Variants in HNRNPA1 observed in about 807,000 individuals in gnomAD.
The protein encoded by HNRNPA1 is epididymis secretory sperm binding protein.
Under a neutral mutation model 44.4 loss-of-function variants are expected in HNRNPA1, and 7 were observed. The observed-to-expected ratio is 0.16, with a 90% CI of 0.09 to 0.30. The LOEUF is 0.30. HNRNPA1 is among the 10% of genes least tolerant of loss of function. HNRNPA1 has a pLI of 1.00. For synonymous variants in HNRNPA1, 169 were observed against 160.6 expected (o/e 1.05, Z -0.40); for missense variants, 193 against 465.8 (o/e 0.41, Z 5.39).
Position 54,281,292 on chromosome 12 carries a change from C to T in HNRNPA1, c.16-94C>T, listed in dbSNP as rs74638402. 2.7e-3 allele frequency: 2,055 copies of T among 757,304 alleles called. 29 individuals are homozygous for T. The East Asian group carries it at 0.033, about 12-fold the overall frequency. The allele number at this position is 757,304 out of a possible 1,614,324, so 46.9% of individuals were successfully genotyped here. The stretch of plus-strand genomic sequence containing the variant: ...TTGCGACCTGAACGAACAATAAGTG[C>T]TAGGTACACAGTTGGTGTCTAGTTT... On this transcript the variant is annotated intron_variant, in intron 1 of 10. Coordinates refer to ENST00000340913, the MANE Select transcript of HNRNPA1 (RefSeq NM_031157.4).
intron 3 of HNRNPA1, 59 bp from the exon 4 acceptor site, chr12:54,282,031 A>G: frequency 3.1e-6 from 5 of 1,599,264 alleles, no homozygotes; most frequent in Non-Finnish European, 4.3e-6. Flanking sequence ...AAACTTACCA[A>G]AATTTTTTAT....
chr12:54,283,917 C>G lies in HNRNPA1; in HGVS notation c.1013C>G (p.Ser338Cys). The change falls in exon 9 of 11, where the codon TCT becomes TGT. Residue 338 changes from serine (S) to cysteine (C), a missense_variant. Ser to Cys is a moderately radical substitution (Grantham distance 112). This residue lies in a region of HNRNPA1 where 136 missense variants were observed against 234.4 expected (regional missense o/e 0.58). Coordinates refer to ENST00000340913, the MANE Select transcript of HNRNPA1 (RefSeq NM_031157.4). ...MKGGNFGGRSSGPYGGGGQYF... is the reference protein window; with the variant it reads ...MKGGNFGGRSCGPYGGGGQYF... ...GGAGGAAATTTTGGAGGCAGAAGCT[C>G]TGGCCCCTATGGCGGTGGAGGCCAA... 1.2e-6 allele frequency: 2 copies of G among 1,610,564 alleles called. No homozygotes were observed. Among genetic ancestry groups the G allele is most frequent in the Non-Finnish European group, 1.7e-6 (2 of 1,180,012 alleles).
chr12:54,280,912 C>T, intron 1 of HNRNPA1, 90 bp downstream of exon 1: 3 of 1,411,396 alleles, frequency 2.1e-6, no homozygotes, highest in South Asian at 2.3e-5. Flanking sequence ...TTGCACCAGC[C>T]CATTCTACAG....
chr12:54,280,740 G>C lies in HNRNPA1; in HGVS notation c.-68G>C, dbSNP rs756560142. On this transcript the variant is annotated 5_prime_UTR_variant, in exon 1 of 11. Coordinates refer to ENST00000340913, the MANE Select transcript of HNRNPA1 (RefSeq NM_031157.4). ...GGTAGGCTGGCAGATACGTTCGTCA[G>C]CTTGCTCCTTTCTGCCCGTGGACGC... is the stretch of plus-strand genomic sequence containing the variant. The C allele has an allele frequency of 6.9e-6, 11 of 1,592,570 alleles. No individual in the cohort carries two copies. The highest frequency in any genetic ancestry group is 3.3e-5 in the Admixed American group (2 of 59,982).
rs937160313 is a variant in HNRNPA1, at chr12:54,285,467, C to T, written c.*923C>T. The T allele has an allele frequency of 2.0e-5, 3 of 152,064 alleles. No individual in the cohort carries two copies. Among genetic ancestry groups the T allele is most frequent in the Non-Finnish European group, 4.4e-5 (3 of 68,022 alleles). 9.4% of individuals were successfully genotyped at this position (152,064 alleles called of 1,614,324 possible). On this transcript the variant is annotated 3_prime_UTR_variant, in exon 11 of 11. Coordinates refer to ENST00000340913, the MANE Select transcript of HNRNPA1 (RefSeq NM_031157.4). ...TAATATCAGAAAGCATTTTAATGAA[C>T]GTAAAGATAGGCTTACATTAAAGGA...
intron 2 of HNRNPA1, 87 bp from the exon 3 acceptor site, chr12:54,281,708 A>G (rs754328385): frequency 8.6e-5 from 119 of 1,379,660 alleles, no homozygotes; most frequent in Non-Finnish European, 1.1e-4. Context: ...AGGCTGGTGT[A>G]AAGTTTCCTA....
chr12:54,280,953 C>T (rs1944149362), intron 1 of HNRNPA1, 131 bp downstream of exon 1: 3 of 1,001,374 alleles, frequency 3.0e-6, no homozygotes, highest in Non-Finnish European at 3.2e-6. Flanking sequence ...GCCTACCCCT[C>T]CCAAAGTTCA....
chr12:54,280,846 T>G (rs756540488), intron 1 of HNRNPA1, 24 bp downstream of exon 1: 7 of 1,613,680 alleles, frequency 4.3e-6, no homozygotes, highest in African/African-American at 4.0e-5. Flanking sequence ...GCTTTCCCAC[T>G]TGAATTTTTT....
At position 54,283,069 on chromosome 12, in the gene HNRNPA1, ATTC is replaced by A. The variant is rs1293772383; in HGVS notation, c.752-7_752-5del. On this transcript the variant is annotated splice_region_variant and splice_polypyrimidine_tract_variant and intron_variant, in intron 7 of 10. Coordinates refer to ENST00000340913, the MANE Select transcript of HNRNPA1 (RefSeq NM_031157.4). The stretch of plus-strand genomic sequence containing the variant: ...CTTTTGTCTTATTGAGAAGAATTGT[ATTC>A]TTGTAGGTGGTTATGGAGGAGGCGG... The A allele has an allele frequency of 5.0e-6, 8 of 1,611,918 alleles. No individual in the cohort carries two copies. The highest frequency in any genetic ancestry group is 2.2e-5 in the South Asian group (2 of 90,922).
chr12:54,284,578 A>G lies in HNRNPA1; in HGVS notation c.*34A>G. On this transcript the variant is annotated 3_prime_UTR_variant, in exon 11 of 11. Coordinates refer to ENST00000340913, the MANE Select transcript of HNRNPA1 (RefSeq NM_031157.4). ...CAAAGCTTAGCAGGAGAGGAGAGCC[A>G]GAGAAGTGACAGGGAAGCTACAGGT... 1.4e-6 allele frequency: 1 copy of G among 698,986 alleles called. No individual in the cohort carries two copies. Among genetic ancestry groups the G allele is most frequent in the Non-Finnish European group, 2.5e-6 (1 of 398,196 alleles). The allele number at this position is 698,986 out of a possible 1,614,324, so 43.3% of individuals were successfully genotyped here.
At chr12:54,284,020 G>T in intron 9 of HNRNPA1, 53 bp downstream of exon 9, 3 of 1,587,430 alleles carry the variant, frequency 1.9e-6, no homozygotes, top group Non-Finnish European at 2.6e-6. Flanking sequence ...TGTAGCTACT[G>T]CTGGGAAGAA....
chr12:54,283,018 C>T, intron 7 of HNRNPA1, 61 bp from the exon 8 acceptor site: 3 of 1,580,976 alleles, frequency 1.9e-6, no homozygotes, highest in Non-Finnish European at 1.7e-6. Flanking sequence ...AGCCGTTACA[C>T]TTGCACAAGT....
At position 54,285,246 on chromosome 12, in the gene HNRNPA1, A is replaced by G. The variant is rs546193833; in HGVS notation, c.*702A>G. ...TCAATAAACGATTTAATTCTCTTGA[A>G]TGAAATGACAACTGTATGGATTTGG... On this transcript the variant is annotated 3_prime_UTR_variant, in exon 11 of 11. Coordinates refer to ENST00000340913, the MANE Select transcript of HNRNPA1 (RefSeq NM_031157.4). 1 of 152,798 alleles carries G rather than the reference A, an allele frequency of 6.5e-6. No individual in the cohort carries two copies. Among genetic ancestry groups the G allele is most frequent in the South Asian group, 2.1e-4 (1 of 4,844 alleles). 9.5% of individuals were successfully genotyped at this position (152,798 alleles called of 1,614,324 possible).
At chr12:54,282,750 T>C in intron 6 of HNRNPA1, 50 bp from the exon 7 acceptor site, 1 of 1,585,482 alleles carries the variant, frequency 6.3e-7, no homozygotes, top group East Asian at 2.3e-5. Flanking sequence ...GCATTCAGAA[T>C]GTCACTTTAA....
In HNRNPA1 at chr12:54,281,683, A is replaced by G. The variant is rs1053307660; in HGVS notation, c.133-112A>G. Reference sequence around the variant, plus strand: ...TAAATCTAGGGTAGTGGGAAACTGGACGACTTTTTATAAAAGGCTGGTGTA... The same window carrying G: ...TAAATCTAGGGTAGTGGGAAACTGGGCGACTTTTTATAAAAGGCTGGTGTA... On this transcript the variant is annotated intron_variant, in intron 2 of 10. Transcript: ENST00000340913. 4 of 1,221,494 alleles carry G rather than the reference A, an allele frequency of 3.3e-6. No individual in the cohort carries two copies. In the African/African-American group the frequency reaches 6.2e-5, roughly 19 times the overall value. 75.7% of individuals were successfully genotyped at this position (1,221,494 alleles called of 1,614,324 possible). A position where few individuals can be genotyped will look rare whatever the true frequency, so the allele number is the denominator to read the frequency against.
In HNRNPA1 at chr12:54,286,422, T is replaced by A. The variant is rs1311802938; in HGVS notation, c.*1878T>A. On this transcript the variant is annotated 3_prime_UTR_variant, in exon 11 of 11. Coordinates refer to ENST00000340913, the MANE Select transcript of HNRNPA1 (RefSeq NM_031157.4). Reference sequence around the variant, plus strand: ...TTTTCTGGAGATGAATTGTTTTAAATTGACACCCTATTGATGGCTCCCAGT... The same window carrying A: ...TTTTCTGGAGATGAATTGTTTTAAAATGACACCCTATTGATGGCTCCCAGT... 1.3e-5 allele frequency: 2 copies of A among 152,226 alleles called. No homozygotes were observed. The highest frequency in any genetic ancestry group is 4.8e-5 in the African/African-American group (2 of 41,462). The allele number at this position is 152,226 out of a possible 1,614,324, so 9.4% of individuals were successfully genotyped here.
chr12:54,282,985 A>G, intron 7 of HNRNPA1, 94 bp from the exon 8 acceptor site: 2 of 1,505,662 alleles, frequency 1.3e-6, no homozygotes, highest in South Asian at 1.2e-5. Flanking sequence ...TGCCCATAAC[A>G]CGCATGCTGT....
At chr12:54,281,010 A>G (rs1240252449) in intron 1 of HNRNPA1, 188 bp downstream of exon 1, 1 of 724,426 alleles carries the variant, frequency 1.4e-6, no homozygotes, top group South Asian at 1.5e-5. Flanking sequence ...CTCTCCGCCA[A>G]CCATGAGTTA....
chr12:54,282,377 C>T lies in HNRNPA1; in HGVS notation c.491-17C>T, dbSNP rs1322231476. ...TCTAAACCCTGATACCATGTTGTAT[C>T]TATGTTTTTTTTTTAGTTCAGAAAT... On this transcript the variant is annotated splice_polypyrimidine_tract_variant and intron_variant, in intron 4 of 10. Transcript: ENST00000340913. 1 of 1,608,548 alleles carries T rather than the reference C, an allele frequency of 6.2e-7. No individual in the cohort carries two copies. The highest frequency in any genetic ancestry group is 8.5e-7 in the Non-Finnish European group (1 of 1,175,324).
Sources: allele counts gnomAD v4.1 joint callset, GRCh38; gene constraint gnomAD v4.1.1; regional missense constraint gnomAD v4.1.1; transcripts MANE v1.5; gene names NCBI Gene and HGNC (gene_info 2026-07-23, HGNC 2026-07-21).